Variants in NCAPH observed in about 807,000 individuals in gnomAD.
NCAPH encodes the protein condensin complex subunit 2.
In NCAPH, 38 loss-of-function variants were observed where a neutral mutation model predicts 85.5. The observed-to-expected ratio is 0.44, with a 90% CI of 0.34 to 0.58. The LOEUF (loss-of-function observed/expected upper bound fraction) is 0.58. Among genes scored for constraint, NCAPH ranks in the 20% least tolerant of loss-of-function variants. NCAPH has a pLI of 0.01. For missense variants in NCAPH, 789 were observed against 916.6 expected, an observed-to-expected ratio of 0.86 and a Z score of 1.80; for synonymous variants, 301 against 335.1, an observed-to-expected ratio of 0.90 and a Z score of 1.11.
Position 96,375,063 on chromosome 2 carries a change from C to T in NCAPH, c.*1712C>T, listed in dbSNP as rs2064818121. ...TTTAAAAAAAAAGTTTAAAAATTAG[C>T]CAGGTACGGAGGTGTGTGCCTGTAA... On this transcript the variant is annotated 3_prime_UTR_variant, in exon 18 of 18. Coordinates refer to ENST00000240423, the MANE Select transcript of NCAPH (RefSeq NM_015341.5). Among the ~76,000 whole-genome samples the T allele has an allele frequency of 6.6e-6, 1 of 152,074 alleles. No individual in the cohort carries two copies. Among genetic ancestry groups the T allele is most frequent in the African/African-American group, 2.4e-5 (1 of 41,404 alleles).
chr2:96,367,400 G>A lies in NCAPH; in HGVS notation c.1998+27G>A, dbSNP rs144074789. On this transcript the variant is annotated intron_variant, in intron 15 of 17. Transcript: ENST00000240423. ...TCAGATGCTCTTGCCTGTTCTCTAGGTGCCCAGCATGCGGGAGGGGAGTGG... is the reference window on the plus strand; with the variant it reads ...TCAGATGCTCTTGCCTGTTCTCTAGATGCCCAGCATGCGGGAGGGGAGTGG... The A allele has an allele frequency of 3.8e-5, 59 of 1,554,560 alleles. No homozygotes were observed. The African/African-American group carries it at 5.8e-4, about 15-fold the overall frequency.
chr2:96,354,999 G>C (rs1450108664), intron 9 of NCAPH, among the ~76,000 whole-genome samples: 3 of 152,138 alleles, frequency 2.0e-5, no homozygotes, highest in Non-Finnish European at 2.9e-5. Context: ...AAGCAAGTGG[G>C]GGTTAGGCAG....
chr2:96,342,805 CAG>C lies in NCAPH; in HGVS notation c.417_418del (p.Glu139AspfsTer3). On this transcript the variant is annotated frameshift_variant, in exon 4 of 18. Coordinates refer to ENST00000240423, the MANE Select transcript of NCAPH (RefSeq NM_015341.5). LOFTEE classifies it high-confidence loss of function. Reference sequence around the variant, plus strand: ...GGTTTGCACTTGATTGATTTTATGTCAGAGATTCTTAAACAGAAAGACACCGA... The same window carrying C: ...GGTTTGCACTTGATTGATTTTATGTCAGATTCTTAAACAGAAAGACACCGA... 1.2e-6 allele frequency: 2 copies of C among 1,612,986 alleles called. No individual in the cohort carries two copies.
intron 17 of NCAPH, among the ~76,000 whole-genome samples, chr2:96,370,862 C>CT (rs1336781744): frequency 1.3e-5 from 2 of 152,162 alleles, no homozygotes; most frequent in Non-Finnish European, 1.5e-5. Context: ...CATCAGAGCC[C>CT]TTGGGAATGG....
chr2:96,350,613 G>C (rs1171721005), intron 6 of NCAPH, among the ~76,000 whole-genome samples: 1 of 152,152 alleles, frequency 6.6e-6, no homozygotes, highest in Non-Finnish European at 1.5e-5. Flanking sequence ...ACGTGTGGCT[G>C]CCTGAGGGCT....
intron 16 of NCAPH, among the ~76,000 whole-genome samples, 173 bp from the exon 17 acceptor site, chr2:96,369,252 C>G (rs2104503090): frequency 6.6e-6 from 1 of 152,334 alleles, no homozygotes; most frequent in Admixed American, 6.5e-5. Flanking sequence ...CAGAGTGTAA[C>G]AGGAGATATT....
rs372489784 is a variant in NCAPH at position 96,335,807 on chromosome 2, A to G, written c.-23A>G. 8.7e-5 allele frequency: 130 copies of G among 1,486,016 alleles called. No homozygotes were observed. Among genetic ancestry groups the G allele is most frequent in the Non-Finnish European group, 1.1e-4 (118 of 1,121,762 alleles). The allele number at this position is 1,486,016 out of a possible 1,614,324, so 92.1% of individuals were successfully genotyped here. Reference sequence around the variant, plus strand: ...GTCTCGACGCGCGCGATTTAAAACCAGCTCAGGAGACGCCAAGGAAAGATG... The same window carrying G: ...GTCTCGACGCGCGCGATTTAAAACCGGCTCAGGAGACGCCAAGGAAAGATG... On this transcript the variant is annotated 5_prime_UTR_variant, in exon 1 of 18. Transcript: ENST00000240423.
At chr2:96,366,876 C>CAAACAA (rs2064706999) in intron 14 of NCAPH, among the ~76,000 whole-genome samples, 1 of 37,570 alleles carries the variant, frequency 2.7e-5, no homozygotes, top group African/African-American at 1.1e-4. Flanking sequence ...GACTCCGTCT[C>CAAACAA]AAAAAAAAAA....
chr2:96,335,859 C>A lies in NCAPH; in HGVS notation c.19+11C>A, dbSNP rs756548307. The A allele has an allele frequency of 5.4e-6, 8 of 1,483,722 alleles. No individual in the cohort carries two copies. Among genetic ancestry groups the A allele is most frequent in the South Asian group, 1.3e-5 (1 of 76,502 alleles). The allele number at this position is 1,483,722 out of a possible 1,614,324, so 91.9% of individuals were successfully genotyped here. ...GACCTCCCGGCCCAGGTGAGCCGGGCGGTCGGGAGGCGCGGCGGGAAGGGC... is the reference window on the plus strand; with the variant it reads ...GACCTCCCGGCCCAGGTGAGCCGGGAGGTCGGGAGGCGCGGCGGGAAGGGC... On this transcript the variant is annotated intron_variant, in intron 1 of 17. Transcript: ENST00000240423.
At chr2:96,360,299 A>T (rs1376482672) in intron 11 of NCAPH, 50 bp downstream of exon 11, 1 of 1,111,244 alleles carries the variant, frequency 9.0e-7, no homozygotes, top group Non-Finnish European at 1.3e-6. Context: ...TCCCTTTCAG[A>T]TGTGATTTTT....
chr2:96,359,986 G>C (rs1488328531), intron 10 of NCAPH, among the ~76,000 whole-genome samples, 157 bp from the exon 11 acceptor site: 1 of 152,172 alleles, frequency 6.6e-6, no homozygotes, highest in African/African-American at 2.4e-5. Context: ...GATGAAAAGA[G>C]GGTGTGTGAT....
At position 96,369,066 on chromosome 2, in the gene NCAPH, G is replaced by T; in HGVS notation, c.2090+3G>T. The T allele has an allele frequency of 6.4e-7, 1 of 1,553,934 alleles. No homozygotes were observed. The highest frequency in any genetic ancestry group is 8.7e-7 in the Non-Finnish European group (1 of 1,148,142). The stretch of plus-strand genomic sequence containing the variant: ...CTCACGAAGGACCTGCAGAGGAGGT[G>T]CGGGCTGGCAGGCATGGGGGCTTTG... On this transcript the variant is annotated splice_donor_region_variant and intron_variant, in intron 16 of 17. Transcript: ENST00000240423.
intron 7 of NCAPH, among the ~76,000 whole-genome samples, chr2:96,352,731 G>A (rs2064461984): frequency 6.6e-6 from 1 of 152,128 alleles, no homozygotes. Context: ...TTTATGTGTT[G>A]AATGAAATTA....
intron 9 of NCAPH, among the ~76,000 whole-genome samples, chr2:96,356,538 T>C (rs541399717): frequency 2.0e-4 from 31 of 152,194 alleles, no homozygotes; most frequent in Non-Finnish European, 4.3e-4. Flanking sequence ...AGCAACCCTA[T>C]AATTAGGTCC....
rs2064837498 is a variant in NCAPH at position 96,376,843 on chromosome 2, A to C, written c.*3492A>C. On this transcript the variant is annotated 3_prime_UTR_variant, in exon 18 of 18. Transcript: ENST00000240423. ...TCATTTATGGGTACCAAAAGAAAAA[A>C]AAATGAATAAGATCTACTATTTGAT... Among the ~76,000 whole-genome samples, 1 of 152,222 alleles carries C rather than the reference A, an allele frequency of 6.6e-6. No individual in the cohort carries two copies. The highest frequency in any genetic ancestry group is 1.5e-5 in the Non-Finnish European group (1 of 68,036).
At chr2:96,339,523 C>T (rs1354549662) in intron 1 of NCAPH, among the ~76,000 whole-genome samples, 2 of 147,502 alleles carry the variant, frequency 1.4e-5, no homozygotes, top group African/African-American at 2.5e-5. Context: ...ACCTGGGAGG[C>T]GGAGTTGCAA....
intron 13 of NCAPH, 151 bp from the exon 14 acceptor site, chr2:96,365,725 C>A: frequency 1.3e-6 from 1 of 760,802 alleles, no homozygotes; most frequent in Non-Finnish European, 2.2e-6. Context: ...AGGATGATAA[C>A]TAGAGGCACC....
At chr2:96,362,091 T>C (rs1288901246) in intron 12 of NCAPH, among the ~76,000 whole-genome samples, 1 of 151,886 alleles carries the variant, frequency 6.6e-6, no homozygotes, top group Non-Finnish European at 1.5e-5. Flanking sequence ...TTCTTTCTGA[T>C]CAATATTGTT....
At chr2:96,346,165 T>A (rs2064358612) in intron 6 of NCAPH, among the ~76,000 whole-genome samples, 1 of 151,870 alleles carries the variant, frequency 6.6e-6, no homozygotes, top group South Asian at 2.1e-4. Context: ...ACGGGTGTTG[T>A]TTGGGTGCAC....
Sources: allele counts gnomAD v4.1 joint callset (sites outside exome capture counted in the v4.1 genomes callset), GRCh38; gene constraint gnomAD v4.1.1; transcripts MANE v1.5; gene names NCBI Gene and HGNC (gene_info 2026-07-23, HGNC 2026-07-21).